NAALADL2: variants seen among roughly 807,000 people sequenced by gnomAD.
NAALADL2 encodes the protein inactive N-acetylated-alpha-linked acidic dipeptidase-like protein 2.
A neutral mutation model predicts 87.2 loss-of-function variants in NAALADL2; 76 were observed. The ratio of observed to expected loss-of-function variants is 0.87; its 90% CI spans 0.72 to 1.05. The LOEUF (loss-of-function observed/expected upper bound fraction) is 1.05, where lower values mean the gene tolerates loss of function less well. Ranked by LOEUF, NAALADL2 falls within the 50% of genes least tolerant of loss-of-function variation. The pLI, the probability that NAALADL2 is intolerant of heterozygous loss-of-function variation, is 0.00. For missense variants in NAALADL2, 1,089 were observed against 945.8 expected (o/e 1.15, Z -1.99); for synonymous variants, 354 against 331.0 (o/e 1.07, Z -0.75).
chr3:174,640,755 G>T (rs2108728630), intron 2 of NAALADL2, among the ~76,000 whole-genome samples: 1 of 152,302 alleles, frequency 6.6e-6, no homozygotes, highest in East Asian at 1.9e-4. Context: ...CGTGCTTGAG[G>T]CATAAAAAAG....
intron 5 of NAALADL2, among the ~76,000 whole-genome samples, chr3:175,391,339 A>C (rs1336621378): frequency 3.9e-5 from 6 of 152,184 alleles, no homozygotes; most frequent in African/African-American, 1.4e-4. Flanking sequence ...ATACATAAAA[A>C]TTGTAGGATG....
intron 1 of NAALADL2, among the ~76,000 whole-genome samples, chr3:174,940,754 T>C (rs1015141452): frequency 1.5e-4 from 23 of 152,252 alleles, no homozygotes; most frequent in African/African-American, 5.1e-4. Flanking sequence ...AGGTTGCTTA[T>C]GTCCAGGAAT....
intron 2 of NAALADL2, among the ~76,000 whole-genome samples, chr3:174,650,299 T>C (rs1724223963): frequency 6.6e-6 from 1 of 152,108 alleles, no homozygotes; most frequent in Non-Finnish European, 1.5e-5. Context: ...TTCATCAAAA[T>C]GCTCCATGGA....
At chr3:174,744,006 G>A (rs926853438) in intron 3 of NAALADL2, among the ~76,000 whole-genome samples, 1 of 151,864 alleles carries the variant, frequency 6.6e-6, no homozygotes, top group African/African-American at 2.4e-5. Context: ...TTGGTCAGAA[G>A]TTTATACATT....
intron 2 of NAALADL2, among the ~76,000 whole-genome samples, chr3:175,219,508 A>G (rs1580982074): frequency 6.6e-6 from 1 of 152,068 alleles, no homozygotes. Flanking sequence ...GGCATCTTTA[A>G]TGATTATAGC....
chr3:174,489,050 T>A (rs948248272), intron 1 of NAALADL2, among the ~76,000 whole-genome samples: 1 of 152,116 alleles, frequency 6.6e-6, no homozygotes, highest in Non-Finnish European at 1.5e-5. Flanking sequence ...ACATTGTATC[T>A]GTACTCTGGA....
At chr3:174,674,909 G>T (rs1040034706) in intron 2 of NAALADL2, among the ~76,000 whole-genome samples, 2 of 152,096 alleles carry the variant, frequency 1.3e-5, no homozygotes, top group South Asian at 4.1e-4. Context: ...AAAATTGAGT[G>T]TTCTCAAATT....
At chr3:175,752,608 G>T (rs1332602971) in intron 12 of NAALADL2, among the ~76,000 whole-genome samples, 1 of 152,112 alleles carries the variant, frequency 6.6e-6, no homozygotes, top group Non-Finnish European at 1.5e-5. Context: ...TCATACACTT[G>T]AAGTAATGCA....
At chr3:174,966,180 A>C (rs1045267194) in intron 1 of NAALADL2, among the ~76,000 whole-genome samples, 11 of 152,120 alleles carry the variant, frequency 7.2e-5, no homozygotes, top group African/African-American at 2.4e-4. Flanking sequence ...TCTTCTTAAA[A>C]CACTTTTCTG....
At chr3:175,412,046 C>A (rs1713623840) in intron 5 of NAALADL2, among the ~76,000 whole-genome samples, 1 of 152,130 alleles carries the variant, frequency 6.6e-6, no homozygotes, top group South Asian at 2.1e-4. Context: ...AGGCTCTGCC[C>A]AAAGGGAGAA....
intron 2 of NAALADL2, among the ~76,000 whole-genome samples, chr3:174,577,277 A>T (rs1715637416): frequency 6.6e-6 from 1 of 152,168 alleles, no homozygotes; most frequent in Admixed American, 6.6e-5. Flanking sequence ...ATTATTTTAG[A>T]GGGATATTTG....
intron 13 of NAALADL2, among the ~76,000 whole-genome samples, chr3:175,757,263 A>C (rs1191508623): frequency 6.6e-6 from 1 of 152,240 alleles, no homozygotes; most frequent in African/African-American, 2.4e-5. Context: ...ATTACATATA[A>C]GAAAAAGGTA....
chr3:175,283,479 C>A (rs1339052453), intron 4 of NAALADL2, among the ~76,000 whole-genome samples: 1 of 152,062 alleles, frequency 6.6e-6, no homozygotes, highest in Non-Finnish European at 1.5e-5. Context: ...TGGCAGTTTT[C>A]TTCCTTCTGT....
chr3:175,100,638 G>A (rs1721981925), intron 2 of NAALADL2, among the ~76,000 whole-genome samples: 1 of 152,068 alleles, frequency 6.6e-6, no homozygotes, highest in Non-Finnish European at 1.5e-5. Context: ...AGGAGTTCAA[G>A]ACCAGCCTGG....
At chr3:175,154,527 A>C (rs1732016184) in intron 2 of NAALADL2, among the ~76,000 whole-genome samples, 1 of 152,142 alleles carries the variant, frequency 6.6e-6, no homozygotes, top group South Asian at 2.1e-4. Context: ...CTAGGATTAC[A>C]TAAATTATTA....
At chr3:174,843,501 G>A (rs1270267704) in intron 3 of NAALADL2, among the ~76,000 whole-genome samples, 2 of 152,086 alleles carry the variant, frequency 1.3e-5, no homozygotes, top group Non-Finnish European at 2.9e-5. Context: ...CAATAAACAT[G>A]GGAGTTAAGA....
chr3:175,173,272 A>G (rs536386965), intron 2 of NAALADL2, among the ~76,000 whole-genome samples: 186 of 151,862 alleles, frequency 1.2e-3, no homozygotes, highest in African/African-American at 4.4e-3. Context: ...AGCCTTGGTG[A>G]CACAGCGAGA....
chr3:174,948,408 C>G (rs1739798854), intron 1 of NAALADL2, among the ~76,000 whole-genome samples: 1 of 152,124 alleles, frequency 6.6e-6, no homozygotes, highest in South Asian at 2.1e-4. Context: ...AACTCCTGAC[C>G]TCAGGTGATC....
At chr3:175,011,561 A>G (rs2108807232) in intron 1 of NAALADL2, among the ~76,000 whole-genome samples, 1 of 152,324 alleles carries the variant, frequency 6.6e-6, no homozygotes, top group South Asian at 2.1e-4. Flanking sequence ...GCTCCAGTTG[A>G]GTCTGAAGCC....
Sources: gnomAD v4.1 joint callset for allele counts (sites outside exome capture counted in the v4.1 genomes callset) on GRCh38, gnomAD v4.1.1 for gene constraint, MANE v1.5 for transcripts, NCBI Gene and HGNC (gene_info 2026-07-23, HGNC 2026-07-21) for gene names.